PLCG2: variants seen among roughly 807,000 people sequenced by gnomAD.
The protein encoded by PLCG2 is 1-phosphatidylinositol 4,5-bisphosphate phosphodiesterase gamma-2.
PLCG2 carries 69 observed loss-of-function variants against 175.6 expected under a neutral mutation model. The observed-to-expected ratio is 0.39, with a 90% CI of 0.32 to 0.48. PLCG2 has a LOEUF of 0.48. Ranked by LOEUF, PLCG2 falls within the 20% of genes least tolerant of loss-of-function variation. The pLI, the probability that PLCG2 is intolerant of heterozygous loss-of-function variation, is 0.91. For missense variants in PLCG2, 1,798 were observed against 1,650.9 expected (o/e 1.09, Z -1.54); for synonymous variants, 827 against 624.0 (o/e 1.33, Z -4.85).
intron 2 of PLCG2, among the ~76,000 whole-genome samples, chr16:81,761,982 C>T (rs1390931739): frequency 6.6e-6 from 1 of 151,872 alleles, no homozygotes; most frequent in Admixed American, 6.6e-5. Context: ...CAGGCATGCA[C>T]CACCACGCCC....
At chr16:81,788,201 G>A (rs1304512360) in intron 2 of PLCG2, among the ~76,000 whole-genome samples, 2 of 152,158 alleles carry the variant, frequency 1.3e-5, no homozygotes, top group East Asian at 1.9e-4. Flanking sequence ...AAGGGTGATC[G>A]TTGCATTATT....
chr16:81,747,525 A>G (rs1367869817), intron 1 of PLCG2, among the ~76,000 whole-genome samples: 2 of 151,880 alleles, frequency 1.3e-5, no homozygotes, highest in Non-Finnish European at 2.9e-5. Flanking sequence ...ACAGAGGAAG[A>G]CTCTGTCTGA....
intron 2 of PLCG2, among the ~76,000 whole-genome samples, chr16:81,768,264 G>C (rs1910196322): frequency 6.6e-6 from 1 of 152,202 alleles, no homozygotes. Context: ...TTATAGCCGA[G>C]TGCTACTTCA....
chr16:81,843,858 C>G (rs535356782), intron 2 of PLCG2, among the ~76,000 whole-genome samples: 4 of 152,222 alleles, frequency 2.6e-5, no homozygotes, highest in African/African-American at 9.6e-5. Flanking sequence ...TTTGATGTGC[C>G]GTTGGTTGTG....
At chr16:81,763,633 A>G (rs570682058) in intron 2 of PLCG2, among the ~76,000 whole-genome samples, 6 of 152,322 alleles carry the variant, frequency 3.9e-5, no homozygotes, top group Admixed American at 3.3e-4. Flanking sequence ...GCTGTCACAC[A>G]TTGTCCCTTT....
intron 1 of PLCG2, among the ~76,000 whole-genome samples, chr16:81,746,436 C>A (rs1909708658): frequency 6.6e-6 from 1 of 152,172 alleles, no homozygotes; most frequent in Non-Finnish European, 1.5e-5. Context: ...GCCGCTGGGG[C>A]AGAGTGAGCA....
In PLCG2 at chr16:81,802,093, C is replaced by CTTTTTTTTTTTTTTTTTTT. The variant is rs1157731599; in HGVS notation, c.193+15931_193+15949dup. Reference sequence around the variant, plus strand: ...GTTAGCTCCTTCAGGTGAGTACAGTCTTTTTTTTTTTTTTTTTTTTTTTTT... The same window carrying CTTTTTTTTTTTTTTTTTTT: ...GTTAGCTCCTTCAGGTGAGTACAGTCTTTTTTTTTTTTTTTTTTTTTTTTTTTTTTTTTTTTTTTTTTTT... On this transcript the variant is annotated intron_variant, in intron 2 of 32. Coordinates refer to ENST00000564138, the MANE Select transcript of PLCG2 (RefSeq NM_002661.5). Among the ~76,000 whole-genome samples, 36 of 40,016 alleles carry CTTTTTTTTTTTTTTTTTTT rather than the reference C, an allele frequency of 9.0e-4. 15 individuals are homozygous for CTTTTTTTTTTTTTTTTTTT. Among genetic ancestry groups the CTTTTTTTTTTTTTTTTTTT allele is most frequent in the East Asian group, 3.9e-3 (3 of 760 alleles). 26.3% of individuals were successfully genotyped at this position (40,016 alleles called of 152,430 possible).
intron 1 of PLCG2, among the ~76,000 whole-genome samples, chr16:81,745,297 G>T (rs1434029318): frequency 6.6e-6 from 1 of 152,144 alleles, no homozygotes; most frequent in African/African-American, 2.4e-5. Context: ...AGAGTTGCCG[G>T]AAGCCTTCTT....
intron 2 of PLCG2, among the ~76,000 whole-genome samples, chr16:81,824,236 C>G (rs1381295036): frequency 6.6e-6 from 1 of 151,488 alleles, no homozygotes; most frequent in Non-Finnish European, 1.5e-5. Flanking sequence ...CGGCTTCAAG[C>G]AATTCTCCTC....
intron 5 of PLCG2, among the ~76,000 whole-genome samples, chr16:81,867,512 G>C (rs1383459138): frequency 6.6e-6 from 1 of 152,156 alleles, no homozygotes; most frequent in Non-Finnish European, 1.5e-5. Context: ...CTGGAAGATG[G>C]AGATGATCAT....
chr16:81,785,773 T>C (rs1449160786), intron 1 of PLCG2, 170 bp from the exon 2 acceptor site: 3 of 515,894 alleles, frequency 5.8e-6, no homozygotes, highest in Non-Finnish European at 1.0e-5. Context: ...TAAACCTTTG[T>C]GTCCTGCCTT....
intron 2 of PLCG2, among the ~76,000 whole-genome samples, chr16:81,821,640 C>T (rs1389650570): frequency 1.3e-5 from 2 of 151,970 alleles, no homozygotes; most frequent in Non-Finnish European, 2.9e-5. Context: ...GCTGACCAAC[C>T]CATTTAAGCC....
In PLCG2 at chr16:81,959,925, T is replaced by A; in HGVS notation, c.*1927T>A. The A allele has an allele frequency of 5.0e-6, 1 of 198,264 alleles. No individual in the cohort carries two copies. The highest frequency in any genetic ancestry group is 1.0e-5 in the Non-Finnish European group (1 of 95,876). The allele number at this position is 198,264 out of a possible 1,614,324, so 12.3% of individuals were successfully genotyped here. A position where few individuals can be genotyped will look rare whatever the true frequency, so the allele number is the denominator to read the frequency against. ...TAAAGCCACAGTGCTAAGGCCTGCA[T>A]CCCCTTTCTGCCCAAATGGGTTTTT... On this transcript the variant is annotated 3_prime_UTR_variant, in exon 33 of 33. Transcript: ENST00000564138.
At chr16:81,895,557 C>T in intron 12 of PLCG2, 2 of 423,270 alleles carry the variant, frequency 4.7e-6, no homozygotes, top group Non-Finnish European at 8.5e-6. Context: ...GAGACTCTGT[C>T]TTAAAAAAAA....
intron 1 of PLCG2, among the ~76,000 whole-genome samples, chr16:81,753,319 G>C (rs1909850837): frequency 7.1e-6 from 1 of 141,566 alleles, no homozygotes. Context: ...GCCAAGTTCA[G>C]CATTGTGTTA....
At chr16:81,846,095 C>G (rs187457572) in intron 2 of PLCG2, among the ~76,000 whole-genome samples, 6 of 152,204 alleles carry the variant, frequency 3.9e-5, no homozygotes, top group Admixed American at 3.3e-4. Context: ...GCTCCATTTC[C>G]CAGCTGCTAG....
At chr16:81,942,691 G>A (rs567538878) in intron 30 of PLCG2, among the ~76,000 whole-genome samples, 5 of 152,146 alleles carry the variant, frequency 3.3e-5, no homozygotes, top group Non-Finnish European at 7.4e-5. Flanking sequence ...TGAGCACTTT[G>A]AGGCCGAGAG....
chr16:81,942,726 C>A (rs1910996169), intron 30 of PLCG2, among the ~76,000 whole-genome samples: 1 of 152,124 alleles, frequency 6.6e-6, no homozygotes, highest in Non-Finnish European at 1.5e-5. Flanking sequence ...TGCTCAAGGT[C>A]ACACACCTGT....
In PLCG2 at chr16:81,959,357, G is replaced by C. The variant is rs983043057; in HGVS notation, c.*1359G>C. ...TGAAAAGCAGGGCAGAACAAATCAG[G>C]CTCTGACCAGAAGATCCTTCTGGTC... On this transcript the variant is annotated 3_prime_UTR_variant, in exon 33 of 33. Transcript: ENST00000564138. 4 of 221,376 alleles carry C rather than the reference G, an allele frequency of 1.8e-5. No individual in the cohort carries two copies. Among genetic ancestry groups the C allele is most frequent in the African/African-American group, 9.0e-5 (4 of 44,666 alleles). The allele number at this position is 221,376 out of a possible 1,614,324, so 13.7% of individuals were successfully genotyped here.
Sources: allele counts gnomAD v4.1 joint callset (sites outside exome capture counted in the v4.1 genomes callset), GRCh38; gene constraint gnomAD v4.1.1; transcripts MANE v1.5; gene names NCBI Gene and HGNC (gene_info 2026-07-23, HGNC 2026-07-21).